SLC30A7: variants seen among roughly 807,000 people sequenced by gnomAD.
SLC30A7 encodes the protein zinc transporter 7.
A neutral mutation model predicts 46.0 loss-of-function variants in SLC30A7; 35 were observed. That is an observed-to-expected ratio of 0.76 (90% confidence interval 0.58 to 1.01). The LOEUF (loss-of-function observed/expected upper bound fraction) is 1.01, where lower values mean the gene tolerates loss of function less well. Among genes scored for constraint, SLC30A7 ranks in the 50% least tolerant of loss-of-function variants. The probability of loss-of-function intolerance (pLI) is 0.00; values close to 1 mark genes in which losing one functional copy is unlikely to be tolerated. For missense variants in SLC30A7, 464 were observed against 451.1 expected (o/e 1.03, Z -0.26); for synonymous variants, 147 against 157.8 (o/e 0.93, Z 0.51).
Position 100,913,668 on chromosome 1 carries a change from G to C in SLC30A7, c.517G>C (p.Gly173Arg). 3.1e-6 allele frequency: 5 copies of C among 1,613,380 alleles called. No homozygotes were observed. The highest frequency in any genetic ancestry group is 4.2e-6 in the Non-Finnish European group (5 of 1,179,536). The change falls in exon 6 of 11, where the codon GGA (glycine) becomes CGA (arginine). Residue 173 changes from glycine to arginine, a missense_variant. Coordinates refer to ENST00000357650, the MANE Select transcript of SLC30A7 (RefSeq NM_133496.5). ...GHGHSHGSGH[G>R]HSHSLFNGAL... The stretch of plus-strand genomic sequence containing the variant: ...CCTAACACTTTGTTTTCTAGGCCAC[G>C]GACACAGTCATTCCCTCTTTAATGG...
rs531608259 is a variant in SLC30A7, at chr1:100,957,617, A to G, written c.843-4211A>G. 6.2e-4 allele frequency among the ~76,000 whole-genome samples: 94 copies of G among 152,318 alleles called. 2 individuals are homozygous for G. The South Asian group carries it at 0.019, about 32-fold the overall frequency. ...ATGGCAGAATCAGAACCCAAGTGTC[A>G]TGGTTTCCATGAGTGTAATTTTCAC... On this transcript the variant is annotated intron_variant, in intron 8 of 10. Transcript: ENST00000357650.
chr1:100,992,322 A>C, the SLC30A7 span, among the ~76,000 whole-genome samples: 1 of 152,152 alleles, frequency 6.6e-6, no homozygotes, highest in South Asian at 2.1e-4. Context: ...TAGGGATAAC[A>C]TAATAGATAT....
the SLC30A7 span, among the ~76,000 whole-genome samples, chr1:100,993,581 TATATATATATATATATAG>T: frequency 1.0e-5 from 1 of 96,792 alleles, no homozygotes; most frequent in African/African-American, 3.3e-5. Flanking sequence ...TATATATATA[TATATATATATATATATAG>T]CTATTGTGGC....
rs1013858390 is a variant in SLC30A7, at chr1:100,954,754, C to T, written c.843-7074C>T. Among the ~76,000 whole-genome samples, 7 of 151,994 alleles carry T rather than the reference C, an allele frequency of 4.6e-5. No homozygotes were observed. In the East Asian group the frequency reaches 1.4e-3, roughly 29 times the overall value. On this transcript the variant is annotated intron_variant, in intron 8 of 10. Transcript: ENST00000357650. ...TTTTGGTTATCTATTCTATAGAAGG[C>T]TTATGAAATTCTGGATTAATAGGTA... is the stretch of plus-strand genomic sequence containing the variant.
intron 8 of SLC30A7, among the ~76,000 whole-genome samples, chr1:100,931,414 A>G (rs1471038922): frequency 2.6e-5 from 4 of 152,160 alleles, no homozygotes; most frequent in South Asian, 2.1e-4. Flanking sequence ...CAATGCCTCC[A>G]AAAGGTTGTA....
chr1:100,963,088 AC>A (rs1655646072), intron 9 of SLC30A7, among the ~76,000 whole-genome samples: 1 of 152,208 alleles, frequency 6.6e-6, no homozygotes, highest in African/African-American at 2.4e-5. Context: ...GAGAAATGTT[AC>A]TTAAGTAGTT....
At chr1:100,956,635 G>C (rs1053078388) in intron 8 of SLC30A7, among the ~76,000 whole-genome samples, 1 of 152,160 alleles carries the variant, frequency 6.6e-6, no homozygotes, top group African/African-American at 2.4e-5. Flanking sequence ...GACTAAACCT[G>C]AATATTCTAA....
chr1:100,991,044 T>C, the SLC30A7 span, among the ~76,000 whole-genome samples: 1 of 152,348 alleles, frequency 6.6e-6, no homozygotes, highest in South Asian at 2.1e-4. Flanking sequence ...TGAAATAAAT[T>C]CACAGATTTG....
chr1:100,922,587 A>G (rs923131824), intron 8 of SLC30A7, among the ~76,000 whole-genome samples: 1 of 152,164 alleles, frequency 6.6e-6, no homozygotes, highest in Admixed American at 6.5e-5. Flanking sequence ...TGCTACCTGA[A>G]ATGAATTATG....
intron 7 of SLC30A7, among the ~76,000 whole-genome samples, chr1:100,919,360 G>A (rs780490933): frequency 6.6e-6 from 1 of 152,068 alleles, no homozygotes; most frequent in African/African-American, 2.4e-5. Flanking sequence ...ACTTCAGTCT[G>A]ACTTTCTGAA....
chr1:100,918,363 T>G (rs1344991682), intron 7 of SLC30A7, among the ~76,000 whole-genome samples: 1 of 152,192 alleles, frequency 6.6e-6, no homozygotes, highest in African/African-American at 2.4e-5. Context: ...TAGAGCTGGG[T>G]GCACTTGGCA....
At chr1:100,965,639 C>T in intron 9 of SLC30A7, 130 bp from the exon 10 acceptor site, 1 of 734,866 alleles carries the variant, frequency 1.4e-6, no homozygotes, top group Non-Finnish European at 2.3e-6. Flanking sequence ...TTTATTTATT[C>T]AAACATCCTC....
At position 100,980,248 on chromosome 1, in the gene SLC30A7, G is replaced by A. The variant is rs569083166; in HGVS notation, c.*5391G>A. On this transcript the variant is annotated 3_prime_UTR_variant, in exon 11 of 11. Transcript: ENST00000357650. Reference sequence around the variant, plus strand: ...TATTAGGGAATTATCTTCCCCAAAAGTACAAGTAATTTTGCACTGCAGGAG... The same window carrying A: ...TATTAGGGAATTATCTTCCCCAAAAATACAAGTAATTTTGCACTGCAGGAG... 22 of 152,154 alleles carry A rather than the reference G, an allele frequency of 1.4e-4. No homozygotes were observed. The highest frequency in any genetic ancestry group is 2.1e-4 in the South Asian group (1 of 4,832). The allele number at this position is 152,154 out of a possible 1,614,324, so 9.4% of individuals were successfully genotyped here.
intron 9 of SLC30A7, among the ~76,000 whole-genome samples, chr1:100,962,529 A>G (rs954281518): frequency 1.3e-5 from 2 of 152,220 alleles, no homozygotes; most frequent in Non-Finnish European, 2.9e-5. Flanking sequence ...CTATGGCTGG[A>G]TTTAATTTGT....
intron 10 of SLC30A7, among the ~76,000 whole-genome samples, chr1:100,969,392 T>G (rs554765733): frequency 5.0e-4 from 76 of 152,186 alleles, no homozygotes; most frequent in Non-Finnish European, 7.5e-4. Context: ...TAGTGTGAGC[T>G]TCTGTTGAAT....
chr1:100,954,637 G>T (rs999790409), intron 8 of SLC30A7, among the ~76,000 whole-genome samples: 1 of 151,998 alleles, frequency 6.6e-6, no homozygotes, highest in East Asian at 1.9e-4. Flanking sequence ...TATTGGTAAA[G>T]CATGTTCTCT....
rs544024950 is a variant in SLC30A7, at chr1:100,971,110, C to T, written c.1084-3700C>T. On this transcript the variant is annotated intron_variant, in intron 10 of 10. Coordinates refer to ENST00000357650, the MANE Select transcript of SLC30A7 (RefSeq NM_133496.5). Reference sequence around the variant, plus strand: ...TCTCTGTCCTCAAAATAGAAGTTAACACTGATACTCAGGAAGAAACCAAAA... The same window carrying T: ...TCTCTGTCCTCAAAATAGAAGTTAATACTGATACTCAGGAAGAAACCAAAA... Among the ~76,000 whole-genome samples, 10 of 152,202 alleles carry T rather than the reference C, an allele frequency of 6.6e-5. No homozygotes were observed. In the East Asian group the frequency reaches 1.9e-3, roughly 29 times the overall value.
chr1:100,932,978 CTTTTTTTTT>C (rs995801710), intron 8 of SLC30A7, among the ~76,000 whole-genome samples: 4 of 138,092 alleles, frequency 2.9e-5, no homozygotes, highest in Non-Finnish European at 6.3e-5. Flanking sequence ...TTTCTTTTTT[CTTTTTTTTT>C]TTTTTTTGAG....
chr1:100,941,808 G>A (rs553506637), intron 8 of SLC30A7: 7 of 570,802 alleles, frequency 1.2e-5, no homozygotes, highest in East Asian at 4.0e-5. Flanking sequence ...AGTGGCATAC[G>A]TGACAAACCC....
Sources: gnomAD v4.1 joint callset for allele counts (sites outside exome capture counted in the v4.1 genomes callset) on GRCh38, gnomAD v4.1.1 for gene constraint, MANE v1.5 for transcripts, NCBI Gene and HGNC (gene_info 2026-07-23, HGNC 2026-07-21) for gene names.